DENND2A: variants seen among roughly 807,000 people sequenced by gnomAD.
The protein encoded by DENND2A is DENN domain containing 2A, also known as DENN domain-containing protein 2A.
DENND2A carries 53 observed loss-of-function variants against 105.3 expected under a neutral mutation model. That is an observed-to-expected ratio of 0.50 (90% CI 0.40 to 0.63). DENND2A has a LOEUF of 0.63. Among genes scored for constraint, DENND2A ranks in the 30% least tolerant of loss-of-function variants. The pLI is 0.00. For synonymous variants in DENND2A, 522 were observed against 508.4 expected, an observed-to-expected ratio of 1.03 and a Z score of -0.36; for missense variants, 1,138 against 1,279.6, an observed-to-expected ratio of 0.89 and a Z score of 1.69.
At position 140,626,885 on chromosome 7, in the gene DENND2A, T is replaced by C. The variant is rs140399763; in HGVS notation, c.-248+13619A>G. Among the ~76,000 whole-genome samples the C allele has an allele frequency of 1.9e-3, 296 of 152,294 alleles. 2 individuals carry two copies. The highest frequency in any genetic ancestry group is 6.8e-3 in the African/African-American group (281 of 41,558). ...AAAAAGCTTGAGAGAGGGTTTATCA[T>C]AAGGATTAAAAGCAAAGGGTTTGGA... On this transcript the variant is annotated intron_variant, in intron 1 of 19. Transcript: ENST00000496613.
In DENND2A at chr7:140,521,877, C is replaced by T. The variant is rs768145024; in HGVS notation, c.2889G>A (p.Glu963=). ...QMFRGFIQER[E]LRRQDAKGLF... is the part of the protein sequence containing the mutation. ...CACCTTTGGCATCCTGCCGGCGCAG[C>T]TCCCGCTCCTGGATGAAGCCCCGAA... Residue 963 remains glutamate (E), a synonymous_variant, in exon 18 of 20, where the codon GAG becomes GAA. Coordinates refer to ENST00000496613, the MANE Select transcript of DENND2A (RefSeq NM_015689.5). The T allele has an allele frequency of 3.3e-5, 53 of 1,613,960 alleles. No homozygotes were observed. Among genetic ancestry groups the T allele is most frequent in the Non-Finnish European group, 4.3e-5 (51 of 1,180,038 alleles).
rs1798842439 is a variant in DENND2A, at chr7:140,587,702, C to T, written c.1074G>A (p.Leu358=). ...SRVDWYAQTK[L]GLTRTLSEEN... Reference sequence around the variant, plus strand: ...CCTCCGATAAAGTGCGTGTCAGCCCCAGCTTAGTCTGCGCGTACCAGTCCA... The same window carrying T: ...CCTCCGATAAAGTGCGTGTCAGCCCTAGCTTAGTCTGCGCGTACCAGTCCA... The change falls in exon 4 of 20, where the codon CTG becomes CTA. Residue 358 remains leucine, a synonymous_variant. Coordinates refer to ENST00000496613, the MANE Select transcript of DENND2A (RefSeq NM_015689.5). The T allele has an allele frequency of 6.2e-7, 1 of 1,613,998 alleles. No homozygotes were observed. Among genetic ancestry groups the T allele is most frequent in the Non-Finnish European group, 8.5e-7 (1 of 1,179,942 alleles).
intron 8 of DENND2A, among the ~76,000 whole-genome samples, chr7:140,568,468 C>T (rs1797961694): frequency 6.6e-6 from 1 of 152,190 alleles, no homozygotes; most frequent in Non-Finnish European, 1.5e-5. Context: ...CTTAGGGCTG[C>T]AGTGTCAAGC....
Position 140,581,630 on chromosome 7 carries a change from TC to T in DENND2A, c.1245+3958del, listed in dbSNP as rs1798544959. 2.0e-5 allele frequency among the ~76,000 whole-genome samples: 3 copies of T among 152,090 alleles called. No individual in the cohort carries two copies. In the South Asian group the frequency reaches 6.2e-4, roughly 32 times the overall value. ...GAGGAAGTGGTGAAGTCTCCAGCTG[TC>T]CCCTAGAACAGGGCACACAGCAGAC... On this transcript the variant is annotated intron_variant, in intron 5 of 19. Transcript: ENST00000496613.
chr7:140,540,863 G>A (rs1211093625), intron 14 of DENND2A, among the ~76,000 whole-genome samples: 5 of 152,020 alleles, frequency 3.3e-5, no homozygotes, highest in African/African-American at 1.2e-4. Context: ...GATTACAGGT[G>A]CACGCCACCA....
intron 1 of DENND2A, among the ~76,000 whole-genome samples, chr7:140,620,400 A>T (rs1436362946): frequency 6.6e-6 from 1 of 151,946 alleles, no homozygotes; most frequent in Non-Finnish European, 1.5e-5. Flanking sequence ...CACAAAAGAA[A>T]ATGACTGGAA....
At chr7:140,551,899 T>C (rs1797153624) in intron 12 of DENND2A, among the ~76,000 whole-genome samples, 1 of 152,174 alleles carries the variant, frequency 6.6e-6, no homozygotes, top group Admixed American at 6.5e-5. Flanking sequence ...GTCATTACAC[T>C]GCACTCCTAA....
At position 140,568,832 on chromosome 7, in the gene DENND2A, G is replaced by A. The variant is rs776328741; in HGVS notation, c.1541-19C>T. On this transcript the variant is annotated intron_variant, in intron 7 of 19. Coordinates refer to ENST00000496613, the MANE Select transcript of DENND2A (RefSeq NM_015689.5). Reference sequence around the variant, plus strand: ...TCTGTCACTAGAAGAAAAGAACAAGGAAGAAAATTGCAAATGTGAGTTCTT... The same window carrying A: ...TCTGTCACTAGAAGAAAAGAACAAGAAAGAAAATTGCAAATGTGAGTTCTT... The A allele has an allele frequency of 8.7e-6, 14 of 1,613,602 alleles. No homozygotes were observed. The highest frequency in any genetic ancestry group is 1.2e-5 in the Non-Finnish European group (14 of 1,179,658).
intron 6 of DENND2A, among the ~76,000 whole-genome samples, chr7:140,571,576 C>T (rs1052359111): frequency 6.6e-6 from 1 of 151,914 alleles, no homozygotes; most frequent in Non-Finnish European, 1.5e-5. Flanking sequence ...ATGTCCTCAT[C>T]GGGAAAATGA....
intron 16 of DENND2A, among the ~76,000 whole-genome samples, chr7:140,525,153 CTTTTT>C (rs1198329788): frequency 8.9e-6 from 1 of 112,002 alleles, no homozygotes. Context: ...GAGACCCTGT[CTTTTT>C]TTTTTTTTTT....
intron 14 of DENND2A, among the ~76,000 whole-genome samples, chr7:140,541,398 C>T (rs934634318): frequency 1.3e-5 from 2 of 152,120 alleles, no homozygotes; most frequent in African/African-American, 4.8e-5. Context: ...CAGGCACGTT[C>T]CCGGGGGACT....
intron 14 of DENND2A, among the ~76,000 whole-genome samples, chr7:140,528,259 A>G (rs1037609709): frequency 1.3e-5 from 2 of 152,190 alleles, no homozygotes; most frequent in Non-Finnish European, 2.9e-5. Flanking sequence ...CTCTTACTGA[A>G]GATCTGAAGA....
intron 10 of DENND2A, among the ~76,000 whole-genome samples, chr7:140,558,905 C>T (rs900914971): frequency 6.6e-6 from 1 of 151,022 alleles, no homozygotes; most frequent in African/African-American, 2.4e-5. Context: ...CGGGTTCAAG[C>T]GATTCTCCTG....
At chr7:140,583,934 A>AAG (rs1208686664) in intron 5 of DENND2A, among the ~76,000 whole-genome samples, 1 of 141,060 alleles carries the variant, frequency 7.1e-6, no homozygotes, top group Non-Finnish European at 1.5e-5. Flanking sequence ...TCGAAAAAAA[A>AAG]AAAAAAAGTC....
At chr7:140,529,977 T>C (rs2130477030) in intron 14 of DENND2A, among the ~76,000 whole-genome samples, 1 of 151,382 alleles carries the variant, frequency 6.6e-6, no homozygotes. Flanking sequence ...CAACAAGATA[T>C]ATGTGTGTAT....
At chr7:140,621,854 C>T (rs1435844443) in intron 1 of DENND2A, among the ~76,000 whole-genome samples, 3 of 152,120 alleles carry the variant, frequency 2.0e-5, no homozygotes, top group Non-Finnish European at 4.4e-5. Context: ...GGCTGAATTT[C>T]GTTTGGGGTA....
Position 140,536,212 on chromosome 7 carries a change from A to G in DENND2A, c.2327+8406T>C, listed in dbSNP as rs182841050. 1.4e-4 allele frequency among the ~76,000 whole-genome samples: 21 copies of G among 152,198 alleles called. No individual in the cohort carries two copies. The East Asian group carries it at 3.5e-3, about 25-fold the overall frequency. On this transcript the variant is annotated intron_variant, in intron 14 of 19. Coordinates refer to ENST00000496613, the MANE Select transcript of DENND2A (RefSeq NM_015689.5). ...TACTAAAAATGCAGAAAAATTAGCCAGCCGTGGTGGCACATGCCTATAGTC... is the reference window on the plus strand; with the variant it reads ...TACTAAAAATGCAGAAAAATTAGCCGGCCGTGGTGGCACATGCCTATAGTC...
chr7:140,555,788 C>G (rs1447887510), intron 11 of DENND2A, 75 bp from the exon 12 acceptor site: 2 of 1,307,348 alleles, frequency 1.5e-6, no homozygotes, highest in Non-Finnish European at 2.1e-6. Flanking sequence ...ATGTTTTTTG[C>G]GAGACTATCA....
At chr7:140,594,450 C>G (rs1038394286) in intron 3 of DENND2A, among the ~76,000 whole-genome samples, 8 of 152,128 alleles carry the variant, frequency 5.3e-5, no homozygotes, top group Non-Finnish European at 1.2e-4. Context: ...GTCCACTCCC[C>G]ACCCTCCCGC....
Sources: gnomAD v4.1 joint callset for allele counts (sites outside exome capture counted in the v4.1 genomes callset) on GRCh38, gnomAD v4.1.1 for gene constraint, MANE v1.5 for transcripts, NCBI Gene and HGNC (gene_info 2026-07-23, HGNC 2026-07-21) for gene names.